MCMDC2: variants seen among roughly 807,000 people sequenced by gnomAD.
MCMDC2 encodes minichromosome maintenance domain-containing protein 2.
In MCMDC2, 54 loss-of-function variants were observed where a neutral mutation model predicts 75.8. That is an observed-to-expected ratio of 0.71 (90% CI 0.57 to 0.89). The LOEUF (loss-of-function observed/expected upper bound fraction) is 0.89. Ranked by LOEUF, MCMDC2 falls within the 40% of genes least tolerant of loss-of-function variation. The probability of loss-of-function intolerance (pLI) is 0.00; values close to 1 mark genes in which losing one functional copy is unlikely to be tolerated. For missense variants in MCMDC2, 656 were observed against 780.4 expected (o/e 0.84, Z 1.90); for synonymous variants, 249 against 274.6 (o/e 0.91, Z 0.92).
intron 12 of MCMDC2, among the ~76,000 whole-genome samples, chr8:66,898,916 A>C (rs1812490503): frequency 1.3e-5 from 2 of 152,234 alleles, no homozygotes; most frequent in African/African-American, 4.8e-5. Flanking sequence ...ACTGGAGCAA[A>C]AATTGTATTT....
Position 66,896,309 on chromosome 8 carries a change from G to A in MCMDC2, c.1419G>A (p.Gln473=), listed in dbSNP as rs755897463. The change falls in exon 11 of 15, where the codon CAG becomes CAA. Residue 473 remains glutamine, a synonymous_variant. Coordinates refer to ENST00000422365, the MANE Select transcript of MCMDC2 (RefSeq NM_173518.5). The part of the protein sequence containing the change: ...DVDSSSRRNA[Q]KINTLIGQMD... ...ATTCATCTTCAAGGAGAAATGCACA[G>A]AAAATCAACACTCTAATTGGTCAGA... The A allele has an allele frequency of 5.6e-6, 9 of 1,608,598 alleles. No individual in the cohort carries two copies. In the Admixed American group the frequency reaches 1.6e-4, roughly 28 times the overall value.
intron 14 of MCMDC2, among the ~76,000 whole-genome samples, chr8:66,913,512 T>A (rs930151669): frequency 6.6e-6 from 1 of 152,242 alleles, no homozygotes. Flanking sequence ...TAATTATCAC[T>A]ATTTGAACTA....
In MCMDC2 at chr8:66,872,587, C is replaced by T. The variant is rs543607616; in HGVS notation, c.-88-1466C>T. Among the ~76,000 whole-genome samples the T allele has an allele frequency of 5.3e-5, 8 of 152,114 alleles. No homozygotes were observed. The East Asian group carries it at 1.3e-3, about 26-fold the overall frequency. Reference sequence around the variant, plus strand: ...CTGCACTCTTTCTGAAGGATAGGGACAATATTTTACTCATCTTAGTATCCT... The same window carrying T: ...CTGCACTCTTTCTGAAGGATAGGGATAATATTTTACTCATCTTAGTATCCT... On this transcript the variant is annotated intron_variant, in intron 1 of 14. Coordinates refer to ENST00000422365, the MANE Select transcript of MCMDC2 (RefSeq NM_173518.5).
rs545114038 is a variant in MCMDC2 at position 66,893,936 on chromosome 8, ACT to A, written c.1280-2231_1280-2230del. ...ACAAGAACTTGGCATTTGGTTTAAA[ACT>A]CTGCTGTCATCATATTCAATTTTTA... On this transcript the variant is annotated intron_variant, in intron 10 of 14. Coordinates refer to ENST00000422365, the MANE Select transcript of MCMDC2 (RefSeq NM_173518.5). Among the ~76,000 whole-genome samples the A allele has an allele frequency of 2.3e-3, 342 of 151,784 alleles. 3 individuals carry two copies. The highest frequency in any genetic ancestry group is 8.3e-3 in the Admixed American group (126 of 15,252).
chr8:66,887,394 A>C (rs1473177842), intron 9 of MCMDC2, among the ~76,000 whole-genome samples: 1 of 151,636 alleles, frequency 6.6e-6, no homozygotes, highest in Non-Finnish European at 1.5e-5. Flanking sequence ...CAAAAAAAAA[A>C]AAAAAAAATT....
intron 7 of MCMDC2, among the ~76,000 whole-genome samples, chr8:66,880,533 A>C (rs1264689363): frequency 6.6e-6 from 1 of 152,240 alleles, no homozygotes. Flanking sequence ...CTTTTCATTG[A>C]ATAGAAAAAT....
chr8:66,896,735 A>C, intron 11 of MCMDC2, 45 bp from the exon 12 acceptor site: 1 of 1,401,868 alleles, frequency 7.1e-7, no homozygotes, highest in Non-Finnish European at 9.4e-7. Context: ...AATTGTGAAA[A>C]TTACAAAGTT....
chr8:66,905,815 C>T (rs1417856418), intron 14 of MCMDC2, among the ~76,000 whole-genome samples: 2 of 151,766 alleles, frequency 1.3e-5, no homozygotes, highest in African/African-American at 4.8e-5. Flanking sequence ...GACCAGCCTG[C>T]CTAATATGGT....
At chr8:66,923,205 CATT>C (rs538485523), downstream of MCMDC2, among the ~76,000 whole-genome samples, 331 of 152,234 alleles carry the variant, frequency 2.2e-3, 1 homozygote, top group African/African-American at 6.2e-3. Flanking sequence ...CACCTAAAAA[CATT>C]ATAACGGCAA....
chr8:66,910,101 G>A (rs1813044479), intron 14 of MCMDC2, among the ~76,000 whole-genome samples: 1 of 152,256 alleles, frequency 6.6e-6, no homozygotes, highest in Non-Finnish European at 1.5e-5. Context: ...GTCAAGAATT[G>A]AGGTTTAGGA....
intron 9 of MCMDC2, among the ~76,000 whole-genome samples, chr8:66,890,305 A>T (rs559395403): frequency 5.9e-5 from 9 of 151,822 alleles, no homozygotes; most frequent in African/African-American, 1.7e-4. Context: ...ACTTCAAGTG[A>T]TCTGCCTGCC....
rs777654991 is a variant in MCMDC2 at position 66,878,610 on chromosome 8, C to T, written c.518C>T (p.Thr173Ile). 2 of 1,573,920 alleles carry T rather than the reference C, an allele frequency of 1.3e-6. No individual in the cohort carries two copies. Among genetic ancestry groups the T allele is most frequent in the African/African-American group, 1.4e-5 (1 of 73,244 alleles). ...QYIRVHVPGA[T>I]ESATIRNDFL... ...ATAAGAGTGCATGTGCCTGGTGCTA[C>T]AGAATCTGCAACGATAAGAAATGAC... is the stretch of plus-strand genomic sequence containing the variant. Residue 173 changes from threonine (T) to isoleucine (I), a missense_variant, in exon 6 of 15, where the codon ACA becomes ATA. By Grantham distance (89) the Thr-to-Ile change is moderately conservative (BLOSUM62 -1). Transcript: ENST00000422365.
chr8:66,871,739 C>A (rs1811026515), intron 1 of MCMDC2, among the ~76,000 whole-genome samples: 1 of 151,848 alleles, frequency 6.6e-6, no homozygotes, highest in South Asian at 2.1e-4. Context: ...AGTAAAACTC[C>A]GTCTCTACAA....
At chr8:66,924,341 C>A (rs778958456), downstream of MCMDC2, among the ~76,000 whole-genome samples, 23 of 151,746 alleles carry the variant, frequency 1.5e-4, no homozygotes, top group Non-Finnish European at 2.8e-4. Flanking sequence ...AAATTTGTTT[C>A]TATGGCCGGG....
chr8:66,905,394 CT>C, intron 14 of MCMDC2, 59 bp downstream of exon 14: 1 of 1,248,724 alleles, frequency 8.0e-7, no homozygotes. Flanking sequence ...CTTAAATATT[CT>C]TAGTTGGTTA....
chr8:66,902,705 AAAAAAAATATATAT>A (rs1485506480), intron 13 of MCMDC2, among the ~76,000 whole-genome samples: 48 of 127,856 alleles, frequency 3.8e-4, no homozygotes, highest in African/African-American at 1.4e-3. Flanking sequence ...AAAAAAAAAA[AAAAAAAATATATAT>A]ATATATATAT....
At chr8:66,871,900 C>CAA (rs397939776) in intron 1 of MCMDC2, among the ~76,000 whole-genome samples, 5,342 of 138,722 alleles carry the variant, frequency 0.039, 328 homozygotes, top group African/African-American at 0.13. Flanking sequence ...GACCCTGTCT[C>CAA]AAAAAAAAAA....
intron 10 of MCMDC2, among the ~76,000 whole-genome samples, chr8:66,892,697 G>A (rs1812167524): frequency 1.3e-5 from 2 of 152,158 alleles, no homozygotes; most frequent in Admixed American, 1.3e-4. Flanking sequence ...TCCAGGTGGT[G>A]GACTCCACCC....
chr8:66,890,383 G>A (rs1812046667), intron 9 of MCMDC2, among the ~76,000 whole-genome samples: 1 of 151,752 alleles, frequency 6.6e-6, no homozygotes, highest in South Asian at 2.1e-4. Context: ...ATGTTCTAAA[G>A]ACTTTTTTTT....
Sources: gnomAD v4.1 joint callset for allele counts (sites outside exome capture counted in the v4.1 genomes callset) on GRCh38, gnomAD v4.1.1 for gene constraint, MANE v1.5 for transcripts, NCBI Gene and HGNC (gene_info 2026-07-23, HGNC 2026-07-21) for gene names.